The following EIF2D variants were observed in gnomAD, a reference collection of about 807,000 sequenced individuals.
EIF2D encodes the protein eukaryotic translation initiation factor 2D.
EIF2D carries 56 observed loss-of-function variants against 77.4 expected under a neutral mutation model. The ratio of observed to expected loss-of-function variants is 0.72; its 90% CI spans 0.58 to 0.90. The LOEUF (loss-of-function observed/expected upper bound fraction) is 0.90, where lower values mean the gene tolerates loss of function less well. Among genes scored for constraint, EIF2D ranks in the 40% least tolerant of loss-of-function variants. The pLI is 0.00. For synonymous variants in EIF2D, 230 were observed against 271.0 expected, an observed-to-expected ratio of 0.85 and a Z score of 1.49; for missense variants, 574 against 706.5, an observed-to-expected ratio of 0.81 and a Z score of 2.13.
chr1:206,578,909 GATAAA>G (rs1208576966), intron 4 of EIF2D, among the ~76,000 whole-genome samples: 2 of 152,148 alleles, frequency 1.3e-5, no homozygotes, highest in East Asian at 3.8e-4. Flanking sequence ...TTGCTTTAGT[GATAAA>G]ATAAAGAAAA....
chr1:206,608,374 C>T, intron 3 of EIF2D, 48 bp from the exon 4 acceptor site: 7 of 1,499,718 alleles, frequency 4.7e-6, no homozygotes, highest in Non-Finnish European at 6.4e-6. Context: ...CTCCATCTCA[C>T]TCTGCGTTTT....
chr1:206,596,037 T>C (rs534024790), intron 12 of EIF2D, among the ~76,000 whole-genome samples, 199 bp from the exon 13 acceptor site: 36 of 152,338 alleles, frequency 2.4e-4, no homozygotes, highest in African/African-American at 7.7e-4. Flanking sequence ...TATGTATTTT[T>C]TAAAGCTCCC....
chr1:206,574,023 G>A (rs1316234134), intron 4 of EIF2D, among the ~76,000 whole-genome samples: 1 of 152,226 alleles, frequency 6.6e-6, no homozygotes, highest in Admixed American at 6.5e-5. Context: ...TCAGGACCTT[G>A]AACCCTTCAG....
rs781826249 is a variant in EIF2D, at chr1:206,599,630, GA to G, written c.1053-19del. The G allele has an allele frequency of 4.4e-6, 7 of 1,599,482 alleles. No homozygotes were observed. The highest frequency in any genetic ancestry group is 6.0e-6 in the Non-Finnish European group (7 of 1,173,270). On this transcript the variant is annotated intron_variant, in intron 9 of 14. Coordinates refer to ENST00000271764, the MANE Select transcript of EIF2D (RefSeq NM_006893.3). This position sits in a 1 kb window ranked among gnomAD's most constrained non-coding sequence, Gnocchi z 4.1. ...ATGTAATCCTAAAACCCAGCAGAAG[GA>G]AAGAAAAAACACATTTTATACTAGC...
At chr1:206,572,068 T>C (rs1290312049) in intron 5 of EIF2D, among the ~76,000 whole-genome samples, 1 of 152,236 alleles carries the variant, frequency 6.6e-6, no homozygotes, top group East Asian at 1.9e-4. Flanking sequence ...AATTCTCATC[T>C]GGTGTTCAGT....
chr1:206,604,287 A>C (rs576536394), intron 5 of EIF2D, among the ~76,000 whole-genome samples: 1 of 152,134 alleles, frequency 6.6e-6, no homozygotes, highest in East Asian at 1.9e-4. Context: ...TACTAAAAAC[A>C]AAAAAATTAG....
intron 5 of EIF2D, 36 bp downstream of exon 5, chr1:206,605,364 C>T (rs782560928): frequency 2.1e-5 from 33 of 1,570,846 alleles, no homozygotes; most frequent in Non-Finnish European, 2.4e-5. Flanking sequence ...CCAGCTGCCC[C>T]GGTTCTCTGT....
rs1324489471 is a variant in EIF2D at position 206,602,842 on chromosome 1, C to T, written c.784+109G>A. 6 of 1,471,602 alleles carry T rather than the reference C, an allele frequency of 4.1e-6. No individual in the cohort carries two copies. The Admixed American group carries it at 1.4e-4, about 35-fold the overall frequency. 91.2% of individuals were successfully genotyped at this position (1,471,602 alleles called of 1,614,324 possible). A position where few individuals can be genotyped will look rare whatever the true frequency, so the allele number is the denominator to read the frequency against. On this transcript the variant is annotated intron_variant, in intron 6 of 14. Transcript: ENST00000271764. ...CCTCACAGAAAATAAGGACCTTCCC[C>T]TCCTCCCCCGGAAGCTTAAGGGCCA...
At position 206,579,966 on chromosome 1, in the gene EIF2D, C is replaced by G. The variant is rs1188667559; in HGVS notation, c.*254+726G>C. The stretch of plus-strand genomic sequence containing the variant: ...AGACCTGGGTGCTGGCATTCCATGG[C>G]TGTGACATTCGTAGTGTTGGCTACA... On this transcript the variant is annotated intron_variant and NMD_transcript_variant, in intron 4 of 5. Coordinates refer to the EIF2D transcript ENST00000472709. The surrounding 1 kb of genome is among the most constrained non-coding windows in gnomAD (Gnocchi z 4.2). 2.0e-5 allele frequency among the ~76,000 whole-genome samples: 3 copies of G among 152,218 alleles called. No individual in the cohort carries two copies. The highest frequency in any genetic ancestry group is 7.2e-5 in the African/African-American group (3 of 41,450).
In EIF2D at chr1:206,611,595, T is replaced by C. The variant is rs192877058; in HGVS notation, c.57-221A>G. Reference sequence around the variant, plus strand: ...ATTCCTGGGGTATGCCTTCCCATTTTATGGGTGGGAAAACAGGCCCAGTGA... The same window carrying C: ...ATTCCTGGGGTATGCCTTCCCATTTCATGGGTGGGAAAACAGGCCCAGTGA... On this transcript the variant is annotated intron_variant, in intron 1 of 14. Coordinates refer to ENST00000271764, the MANE Select transcript of EIF2D (RefSeq NM_006893.3). 3.3e-5 allele frequency among the ~76,000 whole-genome samples: 5 copies of C among 152,334 alleles called. No individual in the cohort carries two copies. The East Asian group carries it at 5.8e-4, about 18-fold the overall frequency.
chr1:206,592,080 G>A lies in EIF2D; in HGVS notation c.1685-235C>T, dbSNP rs1477167331. Among the ~76,000 whole-genome samples, 1 of 152,204 alleles carries A rather than the reference G, an allele frequency of 6.6e-6. No individual in the cohort carries two copies. The highest frequency in any genetic ancestry group is 2.4e-5 in the African/African-American group (1 of 41,456). ...ATAATTTTTTCACGAGAGAGAATGTGTCTGTTCAGTCTGTGCTCCTCGCTC... is the reference window on the plus strand; with the variant it reads ...ATAATTTTTTCACGAGAGAGAATGTATCTGTTCAGTCTGTGCTCCTCGCTC... On this transcript the variant is annotated intron_variant, in intron 14 of 14. Transcript: ENST00000271764. This position sits in a 1 kb window ranked among gnomAD's most constrained non-coding sequence, Gnocchi z 4.7.
chr1:206,606,750 A>G (rs1670220829), intron 4 of EIF2D, among the ~76,000 whole-genome samples: 1 of 152,224 alleles, frequency 6.6e-6, no homozygotes, highest in Non-Finnish European at 1.5e-5. Context: ...AGAAGAAATT[A>G]TCAAAATAAT....
chr1:206,595,628 A>G (rs1669610251), intron 13 of EIF2D, 90 bp downstream of exon 13: 16 of 1,498,104 alleles, frequency 1.1e-5, no homozygotes, highest in African/African-American at 1.4e-5. Flanking sequence ...TTTGAGGCCA[A>G]TCTAAAAACC....
intron 4 of EIF2D, among the ~76,000 whole-genome samples, chr1:206,606,372 AC>A (rs1670203632): frequency 6.6e-6 from 1 of 152,136 alleles, no homozygotes; most frequent in Non-Finnish European, 1.5e-5. Context: ...TTTCTCATCT[AC>A]CCCTGAAAGG....
chr1:206,602,078 C>T (rs782232844), intron 7 of EIF2D: 2 of 423,180 alleles, frequency 4.7e-6, no homozygotes, highest in African/African-American at 4.0e-5. Flanking sequence ...TTCACAGAAT[C>T]TCAGGAATTT....
chr1:206,582,427 A>G lies in EIF2D; in HGVS notation c.139-1265T>C, dbSNP rs538387237. ...ACATACTGACTGTAGGGTGTGAGGC[A>G]GGTTGCTAAACTTCTCTTAGTCTCA... On this transcript the variant is annotated intron_variant and NMD_transcript_variant, in intron 2 of 5. Transcript: ENST00000472709. Among the ~76,000 whole-genome samples the G allele has an allele frequency of 5.9e-5, 9 of 152,330 alleles. No homozygotes were observed. In the South Asian group the frequency reaches 1.9e-3, roughly 32 times the overall value.
chr1:206,598,199 G>C (rs188870092), intron 11 of EIF2D, among the ~76,000 whole-genome samples: 1 of 151,834 alleles, frequency 6.6e-6, no homozygotes, highest in African/African-American at 2.4e-5. Flanking sequence ...TACCATGCCC[G>C]GCTAATTTTT....
rs1553410859 is a variant in EIF2D, at chr1:206,599,634, G to A, written c.1053-22C>T. The A allele has an allele frequency of 1.3e-6, 2 of 1,599,886 alleles. No homozygotes were observed. Among genetic ancestry groups the A allele is most frequent in the Admixed American group, 3.5e-5 (2 of 57,098 alleles). On this transcript the variant is annotated intron_variant, in intron 9 of 14. Coordinates refer to ENST00000271764, the MANE Select transcript of EIF2D (RefSeq NM_006893.3). This position sits in a 1 kb window ranked among gnomAD's most constrained non-coding sequence, Gnocchi z 4.1. ...AATCCTAAAACCCAGCAGAAGGAAA[G>A]AAAAAACACATTTTATACTAGCATC...
At position 206,579,984 on chromosome 1, in the gene EIF2D, T is replaced by C. The variant is rs1553405939; in HGVS notation, c.*254+708A>G. On this transcript the variant is annotated intron_variant and NMD_transcript_variant, in intron 4 of 5. Coordinates refer to the EIF2D transcript ENST00000472709. The surrounding 1 kb of genome is among the most constrained non-coding windows in gnomAD (Gnocchi z 4.2). ...TCCATGGCTGTGACATTCGTAGTGT[T>C]GGCTACACACGGGGCTCCTGGCACT... 6.6e-6 allele frequency among the ~76,000 whole-genome samples: 1 copy of C among 152,222 alleles called. No homozygotes were observed. Among genetic ancestry groups the C allele is most frequent in the East Asian group, 1.9e-4 (1 of 5,200 alleles).
Sources: gnomAD v4.1 joint callset for allele counts (sites outside exome capture counted in the v4.1 genomes callset) on GRCh38, gnomAD v4.1.1 for gene constraint, Gnocchi (gnomAD v3.1) non-coding constraint, MANE v1.5 for transcripts, NCBI Gene and HGNC (gene_info 2026-07-23, HGNC 2026-07-21) for gene names.